Variants in BRCA2 observed in about 807,000 individuals in gnomAD.
BRCA2 encodes breast cancer type 2 susceptibility protein.
A neutral mutation model predicts 276.7 loss-of-function variants in BRCA2; 203 were observed. The observed-to-expected ratio is 0.73, with a 90% CI of 0.65 to 0.82. The LOEUF (loss-of-function observed/expected upper bound fraction) is 0.82, where lower values mean the gene tolerates loss of function less well. BRCA2 is among the 40% of genes least tolerant of loss of function. BRCA2 has a pLI of 0.00. For synonymous variants in BRCA2, 1,289 were observed against 1,338.4 expected (o/e 0.96, Z 0.81); for missense variants, 3,920 against 3,915.0 (o/e 1.00, Z -0.03).
chr13:32,339,891 A>G lies in BRCA2; in HGVS notation c.5536A>G (p.Ile1846Val), dbSNP rs587782375. 4.5e-5 allele frequency: 73 copies of G among 1,610,620 alleles called. No homozygotes were observed. The South Asian group carries it at 7.4e-4, about 16-fold the overall frequency. Residue 1846 changes from isoleucine (I) to valine (V), a missense_variant, in exon 11 of 27, where the codon ATA (isoleucine) becomes GTA (valine). Ile to Val is a conservative substitution (Grantham distance 29). Transcript: ENST00000380152. ...TGAGGTAGGGCCACCTGCATTTAGG[A>G]TAGCCAGTGGTAAAATCGTTTGTGT... ...NFEVGPPAFRIASGKIVCVSH... is the reference protein window; with the variant it reads ...NFEVGPPAFRVASGKIVCVSH...
chr13:32,398,254 G>A lies in BRCA2; in HGVS notation c.9741G>A (p.Gln3247=), dbSNP rs1555289942. Residue 3247 remains glutamine, a synonymous_variant, in exon 27 of 27, where the codon CAG becomes CAA. Transcript: ENST00000380152. ...CTGTTTCCACACCTGTCTCAGCCCA[G>A]ATGACTTCAAAGTCTTGTAAAGGGG... is the stretch of plus-strand genomic sequence containing the variant. The part of the protein sequence containing the change: ...RKSVSTPVSA[Q]MTSKSCKGEK... The A allele has an allele frequency of 6.2e-7, 1 of 1,614,128 alleles. No individual in the cohort carries two copies. The highest frequency in any genetic ancestry group is 8.5e-7 in the Non-Finnish European group (1 of 1,180,024).
intron 24 of BRCA2, among the ~76,000 whole-genome samples, chr13:32,393,052 G>C (rs939317864): frequency 1.3e-5 from 2 of 152,204 alleles, no homozygotes; most frequent in Non-Finnish European, 1.5e-5. Context: ...TTTCTGGCAA[G>C]ACTACCACTG....
intron 25 of BRCA2, chr13:32,395,929 T>G: frequency 3.6e-6 from 1 of 275,016 alleles, no homozygotes; most frequent in South Asian, 3.2e-5. Flanking sequence ...ATCTACTGTT[T>G]ACACCCCACA....
Position 32,340,171 on chromosome 13 carries a change from T to C in BRCA2, c.5816T>C (p.Leu1939Ser). The change falls in exon 11 of 27, where the codon TTG becomes TCG. Residue 1939 changes from leucine (L) to serine (S), a missense_variant. Around this residue, in one of 2 missense-constraint regions of BRCA2, gnomAD observed 3,263 missense variants for 3,156.9 expected, o/e 1.03. Transcript: ENST00000380152. ...CAACATAACCAAAATATGTCTGGATTGGAGAAAGTTTCTAAAATATCACCT... is the reference window on the plus strand; with the variant it reads ...CAACATAACCAAAATATGTCTGGATCGGAGAAAGTTTCTAAAATATCACCT... Reference protein sequence around the residue: ...ILQHNQNMSGLEKVSKISPCD... With the variant: ...ILQHNQNMSGSEKVSKISPCD... 6.2e-7 allele frequency: 1 copy of C among 1,613,196 alleles called. No homozygotes were observed. The highest frequency in any genetic ancestry group is 8.5e-7 in the Non-Finnish European group (1 of 1,179,376).
In BRCA2 at chr13:32,398,840, C is replaced by T. The variant is rs2137668643; in HGVS notation, c.*70C>T. Reference sequence around the variant, plus strand: ...AGTTTATAAGACTGGAATATAATTTCAAACCACACATTAGTACTTATGTTG... The same window carrying T: ...AGTTTATAAGACTGGAATATAATTTTAAACCACACATTAGTACTTATGTTG... On this transcript the variant is annotated 3_prime_UTR_variant, in exon 27 of 27. Transcript: ENST00000380152. 2 of 1,549,524 alleles carry T rather than the reference C, an allele frequency of 1.3e-6. No homozygotes were observed. Among genetic ancestry groups the T allele is most frequent in the Non-Finnish European group, 1.8e-6 (2 of 1,140,368 alleles).
chr13:32,334,251 T>G (rs981553648), intron 10 of BRCA2, among the ~76,000 whole-genome samples: 1 of 152,202 alleles, frequency 6.6e-6, no homozygotes, highest in African/African-American at 2.4e-5. Context: ...CTTGAGACAG[T>G]TTTTGACTCA....
At position 32,363,164 on chromosome 13, in the gene BRCA2, T is replaced by G. The variant is rs431825361; in HGVS notation, c.7977-15T>G. Reference sequence around the variant, plus strand: ...TCACACTTCCTAAAATATGCATTTTTGTTTTCACTTTTAGATATGATACGG... The same window carrying G: ...TCACACTTCCTAAAATATGCATTTTGGTTTTCACTTTTAGATATGATACGG... On this transcript the variant is annotated splice_polypyrimidine_tract_variant and intron_variant, in intron 17 of 26. Transcript: ENST00000380152. 2 of 1,604,172 alleles carry G rather than the reference T, an allele frequency of 1.2e-6. No individual in the cohort carries two copies. Among genetic ancestry groups the G allele is most frequent in the Non-Finnish European group, 1.7e-6 (2 of 1,171,990 alleles).
chr13:32,327,204 T>A (rs1043094262), intron 7 of BRCA2, among the ~76,000 whole-genome samples: 1 of 152,124 alleles, frequency 6.6e-6, no homozygotes, highest in Non-Finnish European at 1.5e-5. Context: ...TCCCAACACT[T>A]TGGGAGGCTG....
At chr13:32,343,067 A>C (rs1163085935) in intron 11 of BRCA2, among the ~76,000 whole-genome samples, 1 of 151,684 alleles carries the variant, frequency 6.6e-6, no homozygotes, top group Non-Finnish European at 1.5e-5. Flanking sequence ...AAAAAATCTT[A>C]TGGGACCACT....
chr13:32,315,227 G>A (rs1156940074), upstream of BRCA2: 1 of 152,614 alleles, frequency 6.6e-6, no homozygotes, highest in African/African-American at 2.4e-5. Flanking sequence ...AAAAGAAAGG[G>A]ATGGGGGACT....
intron 9 of BRCA2, among the ~76,000 whole-genome samples, chr13:32,331,362 T>G (rs1230663405): frequency 6.6e-6 from 1 of 152,216 alleles, no homozygotes; most frequent in Non-Finnish European, 1.5e-5. Context: ...AGAGAAAATA[T>G]ATTACCTTTC....
Position 32,316,656 on chromosome 13 carries a change from C to A in BRCA2, c.67+129C>A, listed in dbSNP as rs1027279204. On this transcript the variant is annotated intron_variant, in intron 2 of 26. Transcript: ENST00000380152. ...AACTGTTCCTTATGTGTGTATAAATCCAGTTAACAACATAATCATCGTTTG... is the reference window on the plus strand; with the variant it reads ...AACTGTTCCTTATGTGTGTATAAATACAGTTAACAACATAATCATCGTTTG... 11 of 801,076 alleles carry A rather than the reference C, an allele frequency of 1.4e-5. No homozygotes were observed. The African/African-American group carries it at 1.7e-4, about 13-fold the overall frequency. 49.6% of individuals were successfully genotyped at this position (801,076 alleles called of 1,614,324 possible).
rs778029839 is a variant in BRCA2, at chr13:32,325,039, G to A, written c.317-37G>A. On this transcript the variant is annotated intron_variant, in intron 3 of 26. Coordinates refer to ENST00000380152, the MANE Select transcript of BRCA2 (RefSeq NM_000059.4). ...AAAGAATGCAAATTTATAATCCAGA[G>A]TATATACATTCTCACTGAATTATTG... 5.1e-6 allele frequency: 7 copies of A among 1,372,334 alleles called. No individual in the cohort carries two copies. The Admixed American group carries it at 8.4e-5, about 17-fold the overall frequency. The allele number at this position is 1,372,334 out of a possible 1,614,324, so 85.0% of individuals were successfully genotyped here.
chr13:32,393,206 G>T, intron 24 of BRCA2, among the ~76,000 whole-genome samples: 1 of 151,668 alleles, frequency 6.6e-6, no homozygotes, highest in East Asian at 1.9e-4. Flanking sequence ...TATCTTGAGG[G>T]AGATTCTTTG....
chr13:32,328,583 T>C (rs185700760), intron 7 of BRCA2, among the ~76,000 whole-genome samples: 11 of 152,328 alleles, frequency 7.2e-5, no homozygotes, highest in Non-Finnish European at 1.0e-4. Flanking sequence ...GTGAAACTTA[T>C]TTTGTGAGTC....
chr13:32,356,744 TTC>T, intron 15 of BRCA2, 135 bp downstream of exon 15: 1 of 1,158,972 alleles, frequency 8.6e-7, no homozygotes, highest in Non-Finnish European at 1.2e-6. Flanking sequence ...TCATCATATT[TTC>T]TAATTAGCCT....
chr13:32,328,913 A>G (rs1021209377), intron 7 of BRCA2, among the ~76,000 whole-genome samples: 1 of 152,040 alleles, frequency 6.6e-6, no homozygotes, highest in Non-Finnish European at 1.5e-5. Context: ...ACTAGGTTGT[A>G]CTCAAAGCCT....
rs80358569 is a variant in BRCA2, at chr13:32,337,600, A to G, written c.3245A>G (p.Lys1082Arg). 2.5e-6 allele frequency: 4 copies of G among 1,593,962 alleles called. No individual in the cohort carries two copies. Among genetic ancestry groups the G allele is most frequent in the Admixed American group, 1.8e-5 (1 of 56,606 alleles). ...AGTAGTGTAGTTGTTTCTGATTGTA[A>G]AAATAGTCATATAACCCCTCAGATG... ...LQSSVVVSDCKNSHITPQMLF... is the reference protein window; with the variant it reads ...LQSSVVVSDCRNSHITPQMLF... Residue 1082 changes from lysine (K) to arginine (R), a missense_variant, in exon 11 of 27, where the codon AAA becomes AGA. By Grantham distance (26) the Lys-to-Arg change is conservative. Transcript: ENST00000380152.
At chr13:32,330,738 G>GAC (rs2137460474) in intron 8 of BRCA2, among the ~76,000 whole-genome samples, 181 bp from the exon 9 acceptor site, 1 of 152,218 alleles carries the variant, frequency 6.6e-6, no homozygotes, top group South Asian at 2.1e-4. Context: ...TACTCAGGAT[G>GAC]ACACACAATT....
Sources: allele counts gnomAD v4.1 joint callset (sites outside exome capture counted in the v4.1 genomes callset), GRCh38; gene constraint gnomAD v4.1.1; regional missense constraint gnomAD v4.1.1; transcripts MANE v1.5; gene names NCBI Gene and HGNC (gene_info 2026-07-23, HGNC 2026-07-21).